The following TMEM41B variants were observed in gnomAD, a reference collection of about 807,000 sequenced individuals.
The protein encoded by TMEM41B is transmembrane protein 41B.
TMEM41B carries 18 observed loss-of-function variants against 31.9 expected under a neutral mutation model. The observed-to-expected ratio is 0.56, with a 90% CI of 0.39 to 0.84. The LOEUF (loss-of-function observed/expected upper bound fraction) is 0.84. Among genes scored for constraint, TMEM41B ranks in the 40% least tolerant of loss-of-function variants. TMEM41B has a pLI of 0.00. For synonymous variants in TMEM41B, 144 were observed against 124.3 expected (o/e 1.16, Z -1.05); for missense variants, 322 against 348.0 (o/e 0.93, Z 0.59).
intron 4 of TMEM41B, chr11:9,288,199 G>T (rs905316639): frequency 5.5e-6 from 2 of 361,238 alleles, no homozygotes; most frequent in Non-Finnish European, 9.8e-6. Context: ...TTGGACTGTC[G>T]CAGTTACAAA....
chr11:9,299,626 A>G lies in TMEM41B; in HGVS notation c.197T>C (p.Phe66Ser), dbSNP rs77852767. ...ILVSIFLSAA[F>S]VMFLVYKNFP... is the part of the protein sequence containing the mutation. ...ATTTTTATATACCAAAAACATAACA[A>G]AAGCTGCAGATAAGAAAATGGACAC... The change falls in exon 2 of 7, where the codon TTT (phenylalanine) becomes TCT (serine). Residue 66 changes from phenylalanine (F) to serine (S), a missense_variant. Transcript: ENST00000528080. 18,528 of 1,613,340 alleles carry G rather than the reference A, an allele frequency of 0.011. 297 individuals are homozygous for G. The highest frequency in any genetic ancestry group is 0.074 in the Admixed American group (4,396 of 59,750).
intron 1 of TMEM41B, among the ~76,000 whole-genome samples, chr11:9,305,986 T>TTC: frequency 6.8e-6 from 1 of 147,612 alleles, no homozygotes; most frequent in Non-Finnish European, 1.5e-5. Context: ...TTTCTTTTTT[T>TTC]TTTTTTTTTT....
intron 6 of TMEM41B, among the ~76,000 whole-genome samples, chr11:9,283,945 C>T (rs913351266): frequency 2.2e-4 from 33 of 151,872 alleles, no homozygotes; most frequent in African/African-American, 7.7e-4. Flanking sequence ...CCACCACACC[C>T]GGCTAATTTT....
intron 1 of TMEM41B, among the ~76,000 whole-genome samples, chr11:9,309,077 G>T (rs1228717488): frequency 6.6e-6 from 1 of 152,024 alleles, no homozygotes; most frequent in African/African-American, 2.4e-5. Context: ...GAGATAACCC[G>T]TCTCTACTAA....
chr11:9,296,826 A>G (rs1157379354), intron 2 of TMEM41B, among the ~76,000 whole-genome samples: 1 of 152,140 alleles, frequency 6.6e-6, no homozygotes, highest in Non-Finnish European at 1.5e-5. Flanking sequence ...TTTACTCTAT[A>G]TTTGGCACTT....
Position 9,314,357 on chromosome 11 carries a change from C to G in TMEM41B, c.85G>C (p.Gly29Arg). 1 of 1,589,510 alleles carries G rather than the reference C, an allele frequency of 6.3e-7. No individual in the cohort carries two copies. Among genetic ancestry groups the G allele is most frequent in the Non-Finnish European group, 8.5e-7 (1 of 1,169,818 alleles). The change falls in exon 1 of 7, where the codon GGT (glycine) becomes CGT (arginine). Residue 29 changes from glycine (G) to arginine (R), a missense_variant. This residue lies in a region of TMEM41B where 183 missense variants were observed against 175.3 expected (regional missense o/e 1.04). Transcript: ENST00000528080. Reference protein sequence around the residue: ...PVGDGAAGTRGLAAPGSRDHQ... With the variant: ...PVGDGAAGTRRLAAPGSRDHQ... ...TCTCTGCTGCCAGGCGCCGCGAGAC[C>G]CCGCGTCCCCGCTGCCCCGTCCCCC...
chr11:9,295,241 T>C lies in TMEM41B; in HGVS notation c.368+18A>G, dbSNP rs1026116475. 6.7e-7 allele frequency: 1 copy of C among 1,499,526 alleles called. No homozygotes were observed. The highest frequency in any genetic ancestry group is 9.0e-7 in the Non-Finnish European group (1 of 1,111,462). 92.9% of individuals were successfully genotyped at this position (1,499,526 alleles called of 1,614,324 possible). A position where few individuals can be genotyped will look rare whatever the true frequency, so the allele number is the denominator to read the frequency against. On this transcript the variant is annotated intron_variant, in intron 3 of 6. Transcript: ENST00000528080. The stretch of plus-strand genomic sequence containing the variant: ...TCTTGAACAAAATTAGAAAACATTT[T>C]TTCAGTTAAAAGGATACAAAATATA...
At chr11:9,296,050 T>A (rs1853077845) in intron 2 of TMEM41B, among the ~76,000 whole-genome samples, 1 of 147,596 alleles carries the variant, frequency 6.8e-6, no homozygotes, top group Non-Finnish European at 1.5e-5. Flanking sequence ...AGAGACGGGG[T>A]TTCACCATGT....
intron 4 of TMEM41B, 129 bp downstream of exon 4, chr11:9,288,313 G>C: frequency 3.2e-6 from 2 of 624,198 alleles, no homozygotes; most frequent in Non-Finnish European, 5.3e-6. Context: ...CTTGTGGAGG[G>C]ACTTTAACAT....
At chr11:9,309,719 G>A (rs971465064) in intron 1 of TMEM41B, among the ~76,000 whole-genome samples, 8 of 151,426 alleles carry the variant, frequency 5.3e-5, no homozygotes, top group African/African-American at 1.7e-4. Flanking sequence ...TCAGGAGATC[G>A]AGACCATCCT....
chr11:9,311,902 T>C (rs976973986), intron 1 of TMEM41B, among the ~76,000 whole-genome samples: 1 of 152,188 alleles, frequency 6.6e-6, no homozygotes, highest in African/African-American at 2.4e-5. Flanking sequence ...TGGCAAGGAA[T>C]CCACTAAATG....
intron 1 of TMEM41B, among the ~76,000 whole-genome samples, chr11:9,309,481 C>T (rs1489708945): frequency 7.8e-6 from 1 of 128,574 alleles, no homozygotes; most frequent in Non-Finnish European, 1.7e-5. Flanking sequence ...ATTCAGCTGC[C>T]AAGTCTAGTC....
intron 1 of TMEM41B, among the ~76,000 whole-genome samples, chr11:9,308,108 A>C (rs1747651463): frequency 6.6e-6 from 1 of 152,112 alleles, no homozygotes; most frequent in Non-Finnish European, 1.5e-5. Flanking sequence ...GCACTTTGGG[A>C]GGCTGAGGTG....
intron 1 of TMEM41B, 72 bp downstream of exon 1, chr11:9,314,249 G>A (rs1174049959): frequency 5.9e-5 from 88 of 1,490,860 alleles, no homozygotes; most frequent in Non-Finnish European, 7.2e-5. Context: ...CGAGAATAGC[G>A]GGGGTCCTTT....
At chr11:9,310,542 T>A (rs1354270166) in intron 1 of TMEM41B, among the ~76,000 whole-genome samples, 4 of 151,900 alleles carry the variant, frequency 2.6e-5, no homozygotes, top group African/African-American at 4.8e-5. Flanking sequence ...ATAGTCCAGC[T>A]CTCTTAAGTT....
chr11:9,302,583 G>C lies in TMEM41B; in HGVS notation c.122-2882C>G. Among the ~76,000 whole-genome samples, 2 of 99,268 alleles carry C rather than the reference G, an allele frequency of 2.0e-5. 1 individual carries two copies. Among genetic ancestry groups the C allele is most frequent in the Non-Finnish European group, 4.3e-5 (2 of 46,400 alleles). 65.1% of individuals were successfully genotyped at this position (99,268 alleles called of 152,430 possible). A position where few individuals can be genotyped will look rare whatever the true frequency, so the allele number is the denominator to read the frequency against. ...GCTGGCACTACAGGCATGTAACACT[G>C]AGCCCTGACTAGATATTACTAAATT... On this transcript the variant is annotated intron_variant, in intron 1 of 6. Coordinates refer to ENST00000528080, the MANE Select transcript of TMEM41B (RefSeq NM_015012.4).
At chr11:9,299,345 C>CACACACACACACACGT (rs201083248) in intron 2 of TMEM41B, among the ~76,000 whole-genome samples, 1 of 144,100 alleles carries the variant, frequency 6.9e-6, no homozygotes, top group Admixed American at 7.0e-5. Context: ...CACACACACA[C>CACACACACACACACGT]GTGTGTGTAT....
intron 1 of TMEM41B, among the ~76,000 whole-genome samples, chr11:9,312,809 C>G (rs555192752): frequency 2.4e-4 from 35 of 147,958 alleles, no homozygotes; most frequent in African/African-American, 8.8e-4. Flanking sequence ...GAGGCTGAGG[C>G]AGGAGAATGG....
At chr11:9,299,743 A>AAG in intron 1 of TMEM41B, 42 bp from the exon 2 acceptor site, 1 of 1,337,950 alleles carries the variant, frequency 7.5e-7, no homozygotes, top group East Asian at 2.3e-5. Context: ...AATATAAAGG[A>AAG]AGACATGCTA....
Sources: gnomAD v4.1 joint callset for allele counts (sites outside exome capture counted in the v4.1 genomes callset) on GRCh38, gnomAD v4.1.1 for gene constraint, gnomAD v4.1.1 regional missense constraint, MANE v1.5 for transcripts, NCBI Gene and HGNC (gene_info 2026-07-23, HGNC 2026-07-21) for gene names.